AGBL4: variants seen among roughly 807,000 people sequenced by gnomAD.
AGBL4 encodes the protein AGBL carboxypeptidase 4.
A neutral mutation model predicts 66.4 loss-of-function variants in AGBL4; 58 were observed. The ratio of observed to expected loss-of-function variants is 0.87; its 90% CI spans 0.71 to 1.09. The LOEUF is 1.09. Ranked by LOEUF, AGBL4 falls within the 50% of genes least tolerant of loss-of-function variation. The pLI is 0.00. For synonymous variants in AGBL4, 234 were observed against 222.9 expected (o/e 1.05, Z -0.44); for missense variants, 579 against 631.0 (o/e 0.92, Z 0.88).
intron 3 of AGBL4, among the ~76,000 whole-genome samples, chr1:49,575,983 A>G (rs978842056): frequency 4.6e-5 from 7 of 152,184 alleles, no homozygotes. Flanking sequence ...AACACACTGG[A>G]CTTATTGGTG....
intron 9 of AGBL4, among the ~76,000 whole-genome samples, chr1:48,604,910 C>G (rs1378409898): frequency 1.3e-5 from 2 of 152,196 alleles, no homozygotes; most frequent in Admixed American, 1.3e-4. Flanking sequence ...GCCCCTTCAT[C>G]CATATCTACA....
chr1:49,222,880 G>A (rs1649610617), intron 4 of AGBL4, among the ~76,000 whole-genome samples: 1 of 152,254 alleles, frequency 6.6e-6, no homozygotes, highest in African/African-American at 2.4e-5. Context: ...AGGGTCTAGA[G>A]TACAGACATG....
intron 3 of AGBL4, among the ~76,000 whole-genome samples, chr1:49,633,222 C>T (rs1382350014): frequency 6.6e-6 from 1 of 152,124 alleles, no homozygotes; most frequent in East Asian, 1.9e-4. Flanking sequence ...GGTACAGACC[C>T]TGGGCCATCA....
intron 4 of AGBL4, among the ~76,000 whole-genome samples, chr1:49,089,245 C>T (rs1436952739): frequency 2.0e-5 from 3 of 150,460 alleles, no homozygotes; most frequent in Admixed American, 1.3e-4. Context: ...CAAGAAATCA[C>T]CAAATTCAGA....
chr1:49,442,486 A>T (rs2148670216), intron 3 of AGBL4, among the ~76,000 whole-genome samples: 1 of 152,298 alleles, frequency 6.6e-6, no homozygotes, highest in East Asian at 1.9e-4. Context: ...TTTAGCTTCC[A>T]CATATAAGTG....
intron 3 of AGBL4, among the ~76,000 whole-genome samples, chr1:49,535,649 T>C (rs1370597957): frequency 6.6e-6 from 1 of 152,132 alleles, no homozygotes; most frequent in Non-Finnish European, 1.5e-5. Flanking sequence ...ATTTTTGGTA[T>C]TAATTTTCTT....
intron 4 of AGBL4, among the ~76,000 whole-genome samples, chr1:49,099,907 T>A (rs1298487662): frequency 6.6e-6 from 1 of 152,174 alleles, no homozygotes; most frequent in Non-Finnish European, 1.5e-5. Flanking sequence ...AATTTCTGTC[T>A]GTCTCTTTAA....
intron 1 of AGBL4, among the ~76,000 whole-genome samples, chr1:49,974,036 C>G (rs1658361289): frequency 6.6e-6 from 1 of 152,016 alleles, no homozygotes; most frequent in Non-Finnish European, 1.5e-5. Context: ...CTGTATATTA[C>G]TTGCAAGAAT....
At chr1:48,865,046 C>G (rs1173918771) in intron 6 of AGBL4, among the ~76,000 whole-genome samples, 2 of 152,034 alleles carry the variant, frequency 1.3e-5, no homozygotes, top group Non-Finnish European at 1.5e-5. Flanking sequence ...GGCTCCCAGT[C>G]TATGACTGGC....
intron 6 of AGBL4, among the ~76,000 whole-genome samples, chr1:48,858,447 A>G (rs1399229664): frequency 5.9e-5 from 9 of 152,250 alleles, no homozygotes; most frequent in Admixed American, 5.9e-4. Context: ...TAACAGATGA[A>G]TGAAAAAATA....
chr1:49,170,405 T>C (rs1404029165), intron 4 of AGBL4, among the ~76,000 whole-genome samples: 2 of 142,770 alleles, frequency 1.4e-5, no homozygotes, highest in East Asian at 2.0e-4. Context: ...TTATATAATA[T>C]ATATTTATGT....
intron 4 of AGBL4, among the ~76,000 whole-genome samples, chr1:49,146,486 G>A (rs1472698926): frequency 6.6e-6 from 1 of 152,164 alleles, no homozygotes; most frequent in Non-Finnish European, 1.5e-5. Context: ...TGTGTGGTGT[G>A]ATGAAACACA....
At chr1:49,421,754 T>C (rs1645551118) in intron 3 of AGBL4, among the ~76,000 whole-genome samples, 4 of 152,206 alleles carry the variant, frequency 2.6e-5, no homozygotes, top group Admixed American at 2.6e-4. Flanking sequence ...CTTATGGTAC[T>C]TTCCCATCTC....
At chr1:49,318,860 C>G (rs561200292) in intron 3 of AGBL4, among the ~76,000 whole-genome samples, 1 of 152,184 alleles carries the variant, frequency 6.6e-6, no homozygotes, top group Admixed American at 6.5e-5. Flanking sequence ...ATCTTGCTTA[C>G]AGAAAATGAA....
intron 1 of AGBL4, among the ~76,000 whole-genome samples, chr1:49,900,918 T>C (rs1279661443): frequency 2.0e-5 from 3 of 152,246 alleles, no homozygotes; most frequent in Non-Finnish European, 4.4e-5. Flanking sequence ...GGATTACAGA[T>C]ACTTTTTTTA....
At chr1:49,820,302 A>G (rs1645336097) in intron 2 of AGBL4, among the ~76,000 whole-genome samples, 1 of 152,164 alleles carries the variant, frequency 6.6e-6, no homozygotes, top group African/African-American at 2.4e-5. Flanking sequence ...GAAATTTCTT[A>G]CTGAGTGTAT....
At chr1:48,531,088 T>C (rs957709745), downstream of AGBL4, among the ~76,000 whole-genome samples, 14 of 152,154 alleles carry the variant, frequency 9.2e-5, 1 homozygote, top group Admixed American at 9.2e-4. Context: ...CACAGAGGGC[T>C]GCTGACAACC....
chr1:49,291,218 C>G (rs1644526920), intron 3 of AGBL4, among the ~76,000 whole-genome samples: 1 of 152,004 alleles, frequency 6.6e-6, no homozygotes, highest in Non-Finnish European at 1.5e-5. Flanking sequence ...TATTTTAGAC[C>G]CAGGTAGCTT....
intron 3 of AGBL4, among the ~76,000 whole-genome samples, chr1:49,328,229 T>C (rs1240289999): frequency 6.6e-6 from 1 of 152,218 alleles, no homozygotes; most frequent in Non-Finnish European, 1.5e-5. Context: ...AATATTATCT[T>C]CCTGTTCATG....
Sources: gnomAD v4.1 joint callset for allele counts (sites outside exome capture counted in the v4.1 genomes callset) on GRCh38, gnomAD v4.1.1 for gene constraint, MANE v1.5 for transcripts, NCBI Gene and HGNC (gene_info 2026-07-23, HGNC 2026-07-21) for gene names.